Variants in KCNK1 observed in about 807,000 individuals in gnomAD.
The protein encoded by KCNK1 is potassium two pore domain channel subfamily K member 1.
Under a neutral mutation model 22.2 loss-of-function variants are expected in KCNK1, and 10 were observed. The observed-to-expected ratio is 0.45, with a 90% confidence interval of 0.28 to 0.76. The LOEUF (loss-of-function observed/expected upper bound fraction) is 0.76. Ranked by LOEUF, KCNK1 falls within the 30% of genes least tolerant of loss-of-function variation. The pLI is 0.14. For synonymous variants in KCNK1, 200 were observed against 186.4 expected, an observed-to-expected ratio of 1.07 and a Z score of -0.60; for missense variants, 378 against 421.0, an observed-to-expected ratio of 0.90 and a Z score of 0.89.
At chr1:233,626,062 G>A (rs567536480) in intron 1 of KCNK1, among the ~76,000 whole-genome samples, 15 of 152,058 alleles carry the variant, frequency 9.9e-5, no homozygotes, top group African/African-American at 3.1e-4. Context: ...GCTGGTGTAG[G>A]AGGGCAAGGC....
intron 1 of KCNK1, among the ~76,000 whole-genome samples, chr1:233,623,531 G>T (rs1250806943): frequency 6.6e-6 from 1 of 152,240 alleles, no homozygotes; most frequent in African/African-American, 2.4e-5. Flanking sequence ...AGGTATCACT[G>T]TGTACCTCAT....
At chr1:233,641,149 A>G (rs1010195717) in intron 1 of KCNK1, among the ~76,000 whole-genome samples, 11 of 152,226 alleles carry the variant, frequency 7.2e-5, no homozygotes, top group African/African-American at 1.9e-4. Context: ...AAGACTTTCT[A>G]TGTAGGACAC....
chr1:233,628,095 T>A (rs1657721415), intron 1 of KCNK1, among the ~76,000 whole-genome samples: 1 of 152,218 alleles, frequency 6.6e-6, no homozygotes, highest in Non-Finnish European at 1.5e-5. Context: ...CAGAATTTCT[T>A]CTGCCTGTCT....
chr1:233,629,604 C>T (rs1025099109), intron 1 of KCNK1: 2 of 152,116 alleles, frequency 1.3e-5, no homozygotes, highest in Admixed American at 1.3e-4. Flanking sequence ...GGTCCTGCAC[C>T]GTGATAAATA....
chr1:233,637,793 A>G lies in KCNK1; in HGVS notation c.355+23267A>G, dbSNP rs1048899153. On this transcript the variant is annotated intron_variant, in intron 1 of 2. Coordinates refer to ENST00000366621, the MANE Select transcript of KCNK1 (RefSeq NM_002245.4). ...AACCCAATTCAATCATTGGAGGAGC[A>G]AGAAACTCATTTTACGTTTTAAATG... Among the ~76,000 whole-genome samples, 8 of 152,284 alleles carry G rather than the reference A, an allele frequency of 5.3e-5. No homozygotes were observed. In the South Asian group the frequency reaches 1.5e-3, roughly 28 times the overall value.
intron 1 of KCNK1, among the ~76,000 whole-genome samples, chr1:233,626,134 C>A (rs1384453395): frequency 6.6e-6 from 1 of 151,904 alleles, no homozygotes; most frequent in African/African-American, 2.4e-5. Context: ...CCACCGATGC[C>A]TCTCGGTGAC....
chr1:233,622,129 A>G (rs1175262262), intron 1 of KCNK1, among the ~76,000 whole-genome samples: 1 of 152,212 alleles, frequency 6.6e-6, no homozygotes, highest in Admixed American at 6.5e-5. Context: ...GTTTTATGAC[A>G]TTGCTCATTG....
At chr1:233,627,155 A>G (rs681828) in intron 1 of KCNK1, among the ~76,000 whole-genome samples, 92,261 of 151,930 alleles carry the variant, frequency 0.61, 28,508 homozygotes, top group Admixed American at 0.7. Flanking sequence ...TTTTTACTGC[A>G]TTGTTGCTTT....
intron 1 of KCNK1, chr1:233,637,477 T>C (rs1657921274): frequency 6.6e-6 from 1 of 152,340 alleles, no homozygotes; most frequent in African/African-American, 2.4e-5. Flanking sequence ...AACTCACCAA[T>C]ATACATACCA....
chr1:233,644,448 C>T (rs1658055106), intron 1 of KCNK1, among the ~76,000 whole-genome samples: 1 of 152,224 alleles, frequency 6.6e-6, no homozygotes, highest in South Asian at 2.1e-4. Context: ...AGTTCCCTGT[C>T]CCCATTTTAG....
chr1:233,639,382 A>C (rs922583754), intron 1 of KCNK1, among the ~76,000 whole-genome samples: 2 of 152,234 alleles, frequency 1.3e-5, no homozygotes, highest in African/African-American at 4.8e-5. Context: ...AATAGTAGAT[A>C]TGTCATAGGG....
intron 1 of KCNK1, among the ~76,000 whole-genome samples, chr1:233,643,038 T>G (rs536194058): frequency 6.6e-6 from 1 of 150,904 alleles, no homozygotes; most frequent in African/African-American, 2.4e-5. Context: ...TGCCTTGGCC[T>G]CCCAAATTGC....
rs770054172 is a variant in KCNK1 at position 233,671,330 on chromosome 1, C to A, written c.811C>A (p.His271Asn). ...AGTTCTGGAAACCTTCTGTGAACTC[C>A]ATGAGCTGAAAAAATTCAGAAAAAT... ...LVVLETFCEL[H>N]ELKKFRKMFY... Residue 271 changes from histidine (H) to asparagine (N), a missense_variant, in exon 3 of 3, where the codon CAT becomes AAT. By Grantham distance (68) the His-to-Asn change is moderately conservative. Transcript: ENST00000366621. The A allele has an allele frequency of 1.9e-6, 3 of 1,614,176 alleles. No individual in the cohort carries two copies. Among genetic ancestry groups the A allele is most frequent in the Non-Finnish European group, 2.5e-6 (3 of 1,180,010 alleles).
chr1:233,646,610 G>T (rs1024350499), intron 1 of KCNK1, among the ~76,000 whole-genome samples: 5 of 152,060 alleles, frequency 3.3e-5, no homozygotes, highest in African/African-American at 1.2e-4. Context: ...CAGGGAGTGA[G>T]AGCAGATGGA....
intron 1 of KCNK1, among the ~76,000 whole-genome samples, chr1:233,662,931 C>T (rs1015429959): frequency 2.0e-5 from 3 of 152,062 alleles, no homozygotes; most frequent in African/African-American, 4.8e-5. Context: ...CTAAATTCTT[C>T]GTGGTTTGTA....
At chr1:233,620,792 G>A (rs1344519383) in intron 1 of KCNK1, among the ~76,000 whole-genome samples, 1 of 151,458 alleles carries the variant, frequency 6.6e-6, no homozygotes, top group Non-Finnish European at 1.5e-5. Context: ...ACAGCTATGG[G>A]GAAATAGACA....
chr1:233,644,225 A>C (rs374054003), intron 1 of KCNK1, among the ~76,000 whole-genome samples: 5 of 152,308 alleles, frequency 3.3e-5, no homozygotes, highest in South Asian at 2.1e-4. Flanking sequence ...CCTATTAATG[A>C]GGAAAGAGCC....
intron 1 of KCNK1, among the ~76,000 whole-genome samples, chr1:233,616,870 T>C (rs1657495627): frequency 6.6e-6 from 1 of 152,264 alleles, no homozygotes; most frequent in Non-Finnish European, 1.5e-5. Context: ...TAAAGAGATG[T>C]TAAATTGTGT....
intron 2 of KCNK1, among the ~76,000 whole-genome samples, chr1:233,669,937 A>G (rs571933846): frequency 2.6e-4 from 40 of 152,354 alleles, no homozygotes; most frequent in Non-Finnish European, 5.3e-4. Context: ...GATTCTGAAG[A>G]TACTAAAACT....
Sources: gnomAD v4.1 joint callset for allele counts (sites outside exome capture counted in the v4.1 genomes callset) on GRCh38, gnomAD v4.1.1 for gene constraint, MANE v1.5 for transcripts, NCBI Gene and HGNC (gene_info 2026-07-23, HGNC 2026-07-21) for gene names.